Variants in PTGS1 observed in about 807,000 individuals in gnomAD.
PTGS1 encodes the protein prostaglandin G/H synthase 1.
Under a neutral mutation model 63.0 loss-of-function variants are expected in PTGS1, and 40 were observed. That is an observed-to-expected ratio of 0.63 (90% CI 0.49 to 0.83). PTGS1 has a LOEUF of 0.83. Among genes scored for constraint, PTGS1 ranks in the 40% least tolerant of loss-of-function variants. The pLI is 0.00. For synonymous variants in PTGS1, 298 were observed against 301.9 expected (o/e 0.99, Z 0.13); for missense variants, 709 against 786.5 (o/e 0.90, Z 1.18).
Position 122,383,764 on chromosome 9 carries a change from T to C in PTGS1, c.1009+9T>C. ...CCGCCTCATCCTCATAGGTGAGGAC[T>C]CCAGACCTGCCCTGCCCTGGAAGGT... On this transcript the variant is annotated intron_variant, in intron 8 of 10. Transcript: ENST00000362012. The C allele has an allele frequency of 6.2e-7, 1 of 1,603,922 alleles. No homozygotes were observed. Among genetic ancestry groups the C allele is most frequent in the Non-Finnish European group, 8.5e-7 (1 of 1,176,916 alleles).
intron 7 of PTGS1, among the ~76,000 whole-genome samples, chr9:122,382,494 CT>C (rs1837587573): frequency 1.3e-5 from 2 of 152,170 alleles, no homozygotes; most frequent in Admixed American, 6.5e-5. Context: ...ACATGTCCGA[CT>C]TGTTCCACGC....
At chr9:122,377,773 C>T in intron 2 of PTGS1, 126 bp from the exon 3 acceptor site, 1 of 793,904 alleles carries the variant, frequency 1.3e-6, no homozygotes, top group South Asian at 1.6e-5. Context: ...GCCCTGGCAC[C>T]CAGTGATTCA....
chr9:122,378,074 C>T, intron 3 of PTGS1, 59 bp downstream of exon 3: 4 of 1,490,154 alleles, frequency 2.7e-6, no homozygotes, highest in Non-Finnish European at 3.7e-6. Context: ...TCCCCGGGCC[C>T]TTTCTCCTAG....
chr9:122,377,543 C>T (rs1029459514), intron 2 of PTGS1, among the ~76,000 whole-genome samples: 3 of 151,876 alleles, frequency 2.0e-5, no homozygotes, highest in South Asian at 2.1e-4. Flanking sequence ...TCTAGAAGCC[C>T]GTGGCTGAGG....
chr9:122,372,744 C>G (rs1836876247), intron 2 of PTGS1: 1 of 152,302 alleles, frequency 6.6e-6, no homozygotes, highest in African/African-American at 2.4e-5. Context: ...TTCACTAATG[C>G]ACAATGAGCC....
At chr9:122,378,080 C>G in intron 3 of PTGS1, 65 bp downstream of exon 3, 1 of 1,431,692 alleles carries the variant, frequency 7.0e-7, no homozygotes, top group South Asian at 1.2e-5. Flanking sequence ...GGCCCTTTCT[C>G]CTAGACCCTA....
intron 8 of PTGS1, among the ~76,000 whole-genome samples, chr9:122,385,920 C>T (rs114606109): frequency 5.1e-4 from 77 of 152,244 alleles, no homozygotes; most frequent in African/African-American, 1.8e-3. Context: ...GTCTTGAGAC[C>T]TCAGTCAAAA....
chr9:122,386,760 G>T (rs966788362), intron 9 of PTGS1, 28 bp downstream of exon 9: 3 of 1,607,966 alleles, frequency 1.9e-6, no homozygotes, highest in Non-Finnish European at 2.6e-6. Context: ...GCTGGTGAGG[G>T]CAGGTGGGCT....
In PTGS1 at chr9:122,393,774, G is replaced by A. The variant is rs897395682; in HGVS notation, c.*1230G>A. 2 of 152,242 alleles carry A rather than the reference G, an allele frequency of 1.3e-5. No homozygotes were observed. The highest frequency in any genetic ancestry group is 4.8e-5 in the African/African-American group (2 of 41,458). 9.4% of individuals were successfully genotyped at this position (152,242 alleles called of 1,614,324 possible). On this transcript the variant is annotated 3_prime_UTR_variant, in exon 11 of 11. Coordinates refer to ENST00000362012, the MANE Select transcript of PTGS1 (RefSeq NM_000962.4). Reference sequence around the variant, plus strand: ...ACACCTCACGCAGGCTGAGTCCAGAGCTTGTGCTCCTCTTGATTCCTGGTT... The same window carrying A: ...ACACCTCACGCAGGCTGAGTCCAGAACTTGTGCTCCTCTTGATTCCTGGTT...
At position 122,389,441 on chromosome 9, in the gene PTGS1, G is replaced by A. The variant is rs146224594; in HGVS notation, c.1297-757G>A. 7.5e-3 allele frequency among the ~76,000 whole-genome samples: 1,134 copies of A among 151,922 alleles called. 6 individuals are homozygous for A. Among genetic ancestry groups the A allele is most frequent in the Non-Finnish European group, 0.011 (779 of 67,966 alleles). On this transcript the variant is annotated intron_variant, in intron 9 of 10. Transcript: ENST00000362012. ...GCTGGGATTACAGGCACAAGCCACTGTGCCTGGTCAGCACCAGAGCTTTCT... is the reference window on the plus strand; with the variant it reads ...GCTGGGATTACAGGCACAAGCCACTATGCCTGGTCAGCACCAGAGCTTTCT...
intron 8 of PTGS1, 123 bp downstream of exon 8, chr9:122,383,878 A>G: frequency 7.3e-7 from 1 of 1,372,220 alleles, no homozygotes; most frequent in South Asian, 1.4e-5. Flanking sequence ...CTTAGTGGCT[A>G]GAAGACCTTG....
At chr9:122,383,453 G>A (rs1479962966) in intron 7 of PTGS1, 56 bp from the exon 8 acceptor site, 2 of 1,550,038 alleles carry the variant, frequency 1.3e-6, no homozygotes, top group Non-Finnish European at 1.8e-6. Context: ...GGAGTTGGTT[G>A]TGGGCAGCTG....
chr9:122,370,810 TG>T (rs1836752048), upstream of PTGS1: 1 of 596,576 alleles, frequency 1.7e-6, no homozygotes, highest in Non-Finnish European at 3.0e-6. Flanking sequence ...CTCAGTTTCC[TG>T]TCTATATCTA....
At position 122,381,738 on chromosome 9, in the gene PTGS1, C is replaced by G. The variant is rs1269333376; in HGVS notation, c.753C>G (p.Leu251=). The G allele has an allele frequency of 6.2e-7, 1 of 1,610,670 alleles. No individual in the cohort carries two copies. Among genetic ancestry groups the G allele is most frequent in the South Asian group, 1.1e-5 (1 of 91,018 alleles). The change falls in exon 7 of 11, where the codon CTC becomes CTG. Residue 251 remains leucine (L), a synonymous_variant. Coordinates refer to ENST00000362012, the MANE Select transcript of PTGS1 (RefSeq NM_000962.4). Reference sequence around the variant, plus strand: ...TGCGGCTCTTTAAGGATGGGAAACTCAAGTACCAGGTAGTGCTGGGCCAGG... The same window carrying G: ...TGCGGCTCTTTAAGGATGGGAAACTGAAGTACCAGGTAGTGCTGGGCCAGG... ...YQLRLFKDGK[L]KYQVLDGEMY...
In PTGS1 at chr9:122,391,418, T is replaced by TAC. The variant is rs747908926; in HGVS notation, c.1445-770_1445-769insCA. Among the ~76,000 whole-genome samples the TAC allele has an allele frequency of 2.3e-4, 7 of 31,058 alleles. No individual in the cohort carries two copies. The African/African-American group carries it at 2.3e-3, about 10-fold the overall frequency. 20.4% of individuals were successfully genotyped at this position (31,058 alleles called of 152,430 possible). ...ATATACATATATATATACATATATA[T>TAC]ATATATATACATATATATATATATA... On this transcript the variant is annotated intron_variant, in intron 10 of 10. Coordinates refer to ENST00000362012, the MANE Select transcript of PTGS1 (RefSeq NM_000962.4).
chr9:122,370,972 C>CG (rs755066482), upstream of PTGS1: 2,390 of 1,139,100 alleles, frequency 2.1e-3, 6 homozygotes, highest in Non-Finnish European at 2.4e-3. Flanking sequence ...GAGGGAGGAG[C>CG]GGGGGTGGAG....
intron 7 of PTGS1, among the ~76,000 whole-genome samples, chr9:122,382,780 A>C (rs1348796855): frequency 6.6e-6 from 1 of 152,220 alleles, no homozygotes; most frequent in African/African-American, 2.4e-5. Context: ...GAATGAATGA[A>C]GAAGCTGCCA....
At chr9:122,381,302 G>T in intron 5 of PTGS1, 69 bp from the exon 6 acceptor site, 1 of 1,519,610 alleles carries the variant, frequency 6.6e-7, no homozygotes, top group Non-Finnish European at 8.9e-7. Flanking sequence ...TGCCTGGTGA[G>T]CCCAGATGTC....
intron 7 of PTGS1, among the ~76,000 whole-genome samples, chr9:122,382,402 T>A (rs1837582027): frequency 6.6e-6 from 1 of 152,240 alleles, no homozygotes; most frequent in African/African-American, 2.4e-5. Context: ...ACAGGGCATC[T>A]CAATTTGGAT....
Sources: allele counts gnomAD v4.1 joint callset (sites outside exome capture counted in the v4.1 genomes callset), GRCh38; gene constraint gnomAD v4.1.1; transcripts MANE v1.5; gene names NCBI Gene and HGNC (gene_info 2026-07-23, HGNC 2026-07-21).